The following ATXN2 variants were observed in gnomAD, a reference collection of about 807,000 sequenced individuals.
ATXN2 encodes ataxin-2.
Under a neutral mutation model 138.6 loss-of-function variants are expected in ATXN2, and 37 were observed. The ratio of observed to expected loss-of-function variants is 0.27; its 90% CI spans 0.21 to 0.35. The LOEUF is 0.35. ATXN2 is among the 10% of genes least tolerant of loss of function. The pLI is 1.00. For synonymous variants in ATXN2, 549 were observed against 543.7 expected (o/e 1.01, Z -0.13); for missense variants, 1,216 against 1,480.3 (o/e 0.82, Z 2.93).
chr12:111,562,777 A>G (rs1882774418), intron 1 of ATXN2, among the ~76,000 whole-genome samples: 1 of 151,866 alleles, frequency 6.6e-6, no homozygotes, highest in African/African-American at 2.4e-5. Context: ...AAAGGGCATC[A>G]CTACTTGGTA....
rs1417399553 is a variant in ATXN2 at position 111,516,247 on chromosome 12, G to T, written c.1282C>A (p.Pro428Thr). The T allele has an allele frequency of 1.9e-6, 3 of 1,568,360 alleles. No homozygotes were observed. Among genetic ancestry groups the T allele is most frequent in the Non-Finnish European group, 2.6e-6 (3 of 1,163,564 alleles). Residue 428 changes from proline to threonine, a missense_variant, in exon 10 of 25, where the codon CCC becomes ACC. By Grantham distance (38) the Pro-to-Thr change is conservative. Transcript: ENST00000673436. This position sits in a 1 kb window ranked among gnomAD's most constrained non-coding sequence, Gnocchi z 5.0. ...GGGGGTCTGGATGGCCGCGAGGGGGGCCTGGAGGGCGGCCGTGTAGGGGTG... is the reference window on the plus strand; with the variant it reads ...GGGGGTCTGGATGGCCGCGAGGGGGTCCTGGAGGGCGGCCGTGTAGGGGTG... The part of the protein sequence containing the change: ...AATPTRPPSR[P>T]PSRPSRPPSH...
chr12:111,589,135 T>TCTA (rs1427287762), intron 1 of ATXN2, among the ~76,000 whole-genome samples: 31 of 140,108 alleles, frequency 2.2e-4, no homozygotes, highest in Non-Finnish European at 4.1e-4. Context: ...GCCAACATGA[T>TCTA]GAAACCCCAT....
intron 18 of ATXN2, among the ~76,000 whole-genome samples, chr12:111,483,451 T>G (rs1297056790): frequency 7.6e-6 from 1 of 131,110 alleles, no homozygotes; most frequent in Admixed American, 7.4e-5. Context: ...TTAAAAGAAC[T>G]CTTTTTTTTT....
chr12:111,556,940 C>T (rs1166316105), intron 1 of ATXN2, among the ~76,000 whole-genome samples: 1 of 151,694 alleles, frequency 6.6e-6, no homozygotes. Context: ...ATGTGTGGAT[C>T]GTTGTAACAA....
intron 5 of ATXN2, among the ~76,000 whole-genome samples, chr12:111,530,836 T>A (rs969540643): frequency 2.0e-5 from 3 of 150,426 alleles, no homozygotes; most frequent in Non-Finnish European, 4.4e-5. Context: ...AACAAAAAAA[T>A]GTGTATAGGC....
Position 111,590,301 on chromosome 12 carries a change from G to T in ATXN2, c.251+8483C>A, listed in dbSNP as rs189098730. Among the ~76,000 whole-genome samples the T allele has an allele frequency of 2.8e-3, 427 of 152,134 alleles. 2 individuals carry two copies. Among genetic ancestry groups the T allele is most frequent in the South Asian group, 5.4e-3 (26 of 4,816 alleles). ...CCACATACATTAAAAACAAAGAAAAGAAAATAGACCTCCTATTTTAGCAAG... is the reference window on the plus strand; with the variant it reads ...CCACATACATTAAAAACAAAGAAAATAAAATAGACCTCCTATTTTAGCAAG... On this transcript the variant is annotated intron_variant, in intron 1 of 24. Coordinates refer to ENST00000673436, the MANE Select transcript of ATXN2 (RefSeq NM_001372574.1).
At chr12:111,507,599 G>T (rs1422941818) in intron 14 of ATXN2, among the ~76,000 whole-genome samples, 5 of 147,002 alleles carry the variant, frequency 3.4e-5, no homozygotes, top group Admixed American at 6.7e-5. Flanking sequence ...ACCTCTGCCC[G>T]GCCGCCCCTT....
intron 1 of ATXN2, among the ~76,000 whole-genome samples, chr12:111,560,971 T>C (rs1882649790): frequency 1.3e-5 from 2 of 152,164 alleles, no homozygotes; most frequent in East Asian, 3.8e-4. Context: ...ACGCCTGTAA[T>C]CCCAGCACTC....
At chr12:111,497,135 CAT>C (rs755256587) in intron 14 of ATXN2, among the ~76,000 whole-genome samples, 4 of 152,108 alleles carry the variant, frequency 2.6e-5, no homozygotes, top group Non-Finnish European at 5.9e-5. Flanking sequence ...TTCCTAGACA[CAT>C]ACAACCTACC....
intron 1 of ATXN2, among the ~76,000 whole-genome samples, chr12:111,590,031 G>A (rs1215464472): frequency 6.7e-6 from 1 of 150,248 alleles, no homozygotes; most frequent in Non-Finnish European, 1.5e-5. Context: ...CCAACATGGT[G>A]AAACCCCATC....
chr12:111,578,394 C>T (rs1044279405), intron 1 of ATXN2, among the ~76,000 whole-genome samples: 1 of 152,054 alleles, frequency 6.6e-6, no homozygotes, highest in Non-Finnish European at 1.5e-5. Context: ...TTATCTTTTA[C>T]GCTGTATTTT....
rs1217497295 is a variant in ATXN2 at position 111,599,143 on chromosome 12, G to T, written c.-109C>A. 1 of 1,212,878 alleles carries T rather than the reference G, an allele frequency of 8.2e-7. No individual in the cohort carries two copies. The allele number at this position is 1,212,878 out of a possible 1,614,324, so 75.1% of individuals were successfully genotyped here. A position where few individuals can be genotyped will look rare whatever the true frequency, so the allele number is the denominator to read the frequency against. On this transcript the variant is annotated 5_prime_UTR_variant, in exon 1 of 25. Transcript: ENST00000673436. Reference sequence around the variant, plus strand: ...GGGACGCGCGGGCGCCGAGCGGGGAGGCGCGGGTTGGCGCGGCCGGAGGGG... The same window carrying T: ...GGGACGCGCGGGCGCCGAGCGGGGATGCGCGGGTTGGCGCGGCCGGAGGGG...
chr12:111,575,055 C>T (rs759772492), intron 1 of ATXN2, among the ~76,000 whole-genome samples: 6 of 152,134 alleles, frequency 3.9e-5, no homozygotes, highest in Non-Finnish European at 5.9e-5. Context: ...CTCACGGTAG[C>T]GTCCGGTTCA....
chr12:111,569,649 G>A (rs1228432865), intron 1 of ATXN2, among the ~76,000 whole-genome samples: 1 of 152,156 alleles, frequency 6.6e-6, no homozygotes, highest in African/African-American at 2.4e-5. Flanking sequence ...CCAGGAAGTC[G>A]AGGCTGCAGT....
intron 5 of ATXN2, among the ~76,000 whole-genome samples, chr12:111,531,625 A>G (rs1039446319): frequency 2.6e-5 from 4 of 152,198 alleles, no homozygotes; most frequent in South Asian, 2.1e-4. Context: ...ATTAAAGACT[A>G]TAATACTGAA....
intron 18 of ATXN2, 38 bp from the exon 19 acceptor site, chr12:111,470,780 C>A: frequency 1.2e-6 from 2 of 1,602,958 alleles, no homozygotes; most frequent in South Asian, 2.2e-5. Flanking sequence ...TAAACAGTAT[C>A]TCCACAGCAT....
chr12:111,531,497 C>A (rs1880831780), intron 5 of ATXN2, among the ~76,000 whole-genome samples: 1 of 152,162 alleles, frequency 6.6e-6, no homozygotes, highest in Non-Finnish European at 1.5e-5. Context: ...ACAGGCTTCC[C>A]CAGGGAAGTG....
intron 5 of ATXN2, among the ~76,000 whole-genome samples, chr12:111,539,403 T>C (rs944903724): frequency 6.7e-6 from 1 of 150,152 alleles, no homozygotes; most frequent in South Asian, 2.1e-4. Flanking sequence ...AATCATCGTT[T>C]GAGCACTTCT....
chr12:111,532,514 C>T (rs187368010), intron 5 of ATXN2, among the ~76,000 whole-genome samples: 241 of 152,092 alleles, frequency 1.6e-3, no homozygotes, highest in Middle Eastern at 3.4e-3. Flanking sequence ...ATTTGAGATA[C>T]CCATAACATC....
Sources: gnomAD v4.1 joint callset for allele counts (sites outside exome capture counted in the v4.1 genomes callset) on GRCh38, gnomAD v4.1.1 for gene constraint, Gnocchi (gnomAD v3.1) non-coding constraint, MANE v1.5 for transcripts, NCBI Gene and HGNC (gene_info 2026-07-23, HGNC 2026-07-21) for gene names.